NSMCE2: variants seen among roughly 807,000 people sequenced by gnomAD.
The protein encoded by NSMCE2 is NSE2 SUMO ligase component of SMC5/6 complex.
Under a neutral mutation model 23.8 loss-of-function variants are expected in NSMCE2, and 24 were observed. The ratio of observed to expected loss-of-function variants is 1.01; its 90% CI spans 0.73 to 1.42. The LOEUF (loss-of-function observed/expected upper bound fraction) is 1.42, where lower values mean the gene tolerates loss of function less well. Among genes scored for constraint, NSMCE2 ranks in the 40% most tolerant of loss-of-function variants. The pLI is 0.00. For synonymous variants in NSMCE2, 92 were observed against 94.1 expected, an observed-to-expected ratio of 0.98 and a Z score of 0.13; for missense variants, 284 against 296.5, an observed-to-expected ratio of 0.96 and a Z score of 0.31.
At chr8:125,225,524 A>G (rs1056566395) in intron 5 of NSMCE2, among the ~76,000 whole-genome samples, 1 of 152,202 alleles carries the variant, frequency 6.6e-6, no homozygotes, top group Non-Finnish European at 1.5e-5. Flanking sequence ...CCCTGTTTGC[A>G]TATCCTGCAG....
At chr8:125,139,869 A>G (rs1281252234) in intron 3 of NSMCE2, among the ~76,000 whole-genome samples, 1 of 152,176 alleles carries the variant, frequency 6.6e-6, no homozygotes, top group Non-Finnish European at 1.5e-5. Context: ...GTTCACCTAC[A>G]CTTACTGAAA....
chr8:125,193,459 T>G (rs1823456018), intron 5 of NSMCE2, among the ~76,000 whole-genome samples: 1 of 152,224 alleles, frequency 6.6e-6, no homozygotes, highest in Non-Finnish European at 1.5e-5. Context: ...ATGAAAAATA[T>G]TTTTTAAACC....
intron 5 of NSMCE2, among the ~76,000 whole-genome samples, chr8:125,301,468 G>A (rs1389213145): frequency 6.6e-6 from 1 of 152,090 alleles, no homozygotes; most frequent in Non-Finnish European, 1.5e-5. Context: ...CTACATGGAG[G>A]TGGCGGTGGG....
intron 5 of NSMCE2, among the ~76,000 whole-genome samples, chr8:125,329,380 G>C (rs1829792237): frequency 6.6e-6 from 1 of 152,234 alleles, no homozygotes; most frequent in Non-Finnish European, 1.5e-5. Flanking sequence ...GCTCTTCAGA[G>C]CTGTCACAAA....
At chr8:125,185,389 C>T (rs1823045128) in intron 5 of NSMCE2, among the ~76,000 whole-genome samples, 1 of 152,142 alleles carries the variant, frequency 6.6e-6, no homozygotes, top group South Asian at 2.1e-4. Flanking sequence ...TCACTTCAAC[C>T]TCTGCCTCCC....
chr8:125,232,976 G>A (rs992138290), intron 5 of NSMCE2, among the ~76,000 whole-genome samples: 5 of 152,154 alleles, frequency 3.3e-5, no homozygotes, highest in African/African-American at 1.2e-4. Context: ...GCAAAAGAAT[G>A]GTCACATTCC....
chr8:125,265,055 A>G (rs748699304), intron 5 of NSMCE2, among the ~76,000 whole-genome samples: 52 of 152,144 alleles, frequency 3.4e-4, no homozygotes, highest in Non-Finnish European at 5.4e-4. Context: ...TTTATGTAGT[A>G]TCTTAAAAAT....
intron 4 of NSMCE2, among the ~76,000 whole-genome samples, chr8:125,175,510 G>A (rs1822442423): frequency 6.6e-6 from 1 of 152,148 alleles, no homozygotes; most frequent in Non-Finnish European, 1.5e-5. Context: ...GTAAATCACT[G>A]GGTATGTGTT....
At chr8:125,198,237 G>A (rs1823713407) in intron 5 of NSMCE2, among the ~76,000 whole-genome samples, 1 of 152,156 alleles carries the variant, frequency 6.6e-6, no homozygotes, top group South Asian at 2.1e-4. Flanking sequence ...GAATAGGAGT[G>A]GTGAGAGAGG....
At chr8:125,143,100 A>G (rs989316089) in intron 3 of NSMCE2, among the ~76,000 whole-genome samples, 5 of 137,266 alleles carry the variant, frequency 3.6e-5, no homozygotes, top group African/African-American at 7.5e-5. Flanking sequence ...GGGTGCACGC[A>G]CACACACACA....
intron 5 of NSMCE2, among the ~76,000 whole-genome samples, chr8:125,300,327 C>A (rs544677185): frequency 2.4e-3 from 356 of 150,782 alleles, no homozygotes; most frequent in African/African-American, 7.7e-3. Flanking sequence ...CTATACCTGG[C>A]TAATTTTTTT....
chr8:125,167,242 G>C (rs564438803), intron 4 of NSMCE2, among the ~76,000 whole-genome samples: 1 of 152,306 alleles, frequency 6.6e-6, no homozygotes, highest in South Asian at 2.1e-4. Context: ...TAAATATGTA[G>C]AAGAAAGTTG....
At position 125,091,921 on chromosome 8, in the gene NSMCE2, T is replaced by C. The variant is rs539134331; in HGVS notation, c.-148T>C. ...AGGAGGTGGGTCTAGGCAGGGGAAATTGGGGTGCCACCAGACGGAGACAGC... is the reference window on the plus strand; with the variant it reads ...AGGAGGTGGGTCTAGGCAGGGGAAACTGGGGTGCCACCAGACGGAGACAGC... On this transcript the variant is annotated 5_prime_UTR_variant, in exon 1 of 8. Transcript: ENST00000287437. The C allele has an allele frequency of 1.3e-5, 2 of 152,250 alleles. No individual in the cohort carries two copies. Among genetic ancestry groups the C allele is most frequent in the Non-Finnish European group, 2.9e-5 (2 of 68,112 alleles). 9.4% of individuals were successfully genotyped at this position (152,250 alleles called of 1,614,324 possible). A position where few individuals can be genotyped will look rare whatever the true frequency, so the allele number is the denominator to read the frequency against.
intron 4 of NSMCE2, among the ~76,000 whole-genome samples, chr8:125,165,300 T>G (rs1051325039): frequency 6.6e-6 from 1 of 152,246 alleles, no homozygotes; most frequent in Admixed American, 6.5e-5. Flanking sequence ...AATTGCCTCT[T>G]TTCATCTTCA....
intron 3 of NSMCE2, among the ~76,000 whole-genome samples, chr8:125,134,567 T>A (rs1202623067): frequency 1.3e-5 from 2 of 152,174 alleles, no homozygotes; most frequent in African/African-American, 4.8e-5. Context: ...ACCTCTTTGG[T>A]GAAGTATCTT....
intron 3 of NSMCE2, among the ~76,000 whole-genome samples, chr8:125,142,306 T>C (rs1820415432): frequency 6.6e-6 from 1 of 152,184 alleles, no homozygotes; most frequent in Non-Finnish European, 1.5e-5. Context: ...TCTAGTAAAA[T>C]GACTTACCAA....
At chr8:125,285,555 C>A (rs1441514856) in intron 5 of NSMCE2, among the ~76,000 whole-genome samples, 1 of 152,068 alleles carries the variant, frequency 6.6e-6, no homozygotes, top group African/African-American at 2.4e-5. Flanking sequence ...ACTGACATAA[C>A]AGATGTTTTA....
At chr8:125,190,423 T>C (rs1192193590) in intron 5 of NSMCE2, among the ~76,000 whole-genome samples, 1 of 152,216 alleles carries the variant, frequency 6.6e-6, no homozygotes, top group Non-Finnish European at 1.5e-5. Context: ...GTGCCAAGGA[T>C]GAAGAGAAAA....
At chr8:125,114,291 T>G (rs1467587294) in intron 3 of NSMCE2, among the ~76,000 whole-genome samples, 2 of 152,212 alleles carry the variant, frequency 1.3e-5, no homozygotes, top group Non-Finnish European at 2.9e-5. Flanking sequence ...GTATGCTCTG[T>G]GACAGCAGGG....
Sources: gnomAD v4.1 joint callset for allele counts (sites outside exome capture counted in the v4.1 genomes callset) on GRCh38, gnomAD v4.1.1 for gene constraint, MANE v1.5 for transcripts, NCBI Gene and HGNC (gene_info 2026-07-23, HGNC 2026-07-21) for gene names.